The following LIPA variants were observed in gnomAD, a reference collection of about 807,000 sequenced individuals.
LIPA encodes the protein lipase A, lysosomal acid type, also known as lysosomal acid lipase/cholesteryl ester hydrolase.
In LIPA, 26 loss-of-function variants were observed where a neutral mutation model predicts 40.6. That is an observed-to-expected ratio of 0.64 (90% CI 0.47 to 0.89). The LOEUF is 0.89. Ranked by LOEUF, LIPA falls within the 40% of genes least tolerant of loss-of-function variation. The probability of loss-of-function intolerance (pLI) is 0.00; values close to 1 mark genes in which losing one functional copy is unlikely to be tolerated. For synonymous variants in LIPA, 188 were observed against 168.4 expected, an observed-to-expected ratio of 1.12 and a Z score of -0.90; for missense variants, 455 against 479.6, an observed-to-expected ratio of 0.95 and a Z score of 0.48.
chr10:89,267,850 G>A (rs1338754568), intron 1 of LIPA, among the ~76,000 whole-genome samples: 1 of 151,876 alleles, frequency 6.6e-6, no homozygotes, highest in Non-Finnish European at 1.5e-5. Context: ...ACCAGTAGCC[G>A]GAGGACACTG....
intron 1 of LIPA, among the ~76,000 whole-genome samples, chr10:89,315,663 A>G (rs1843537824): frequency 6.6e-6 from 1 of 152,200 alleles, no homozygotes; most frequent in Non-Finnish European, 1.5e-5. Flanking sequence ...CCATTAAACA[A>G]TAATATGTGT....
intron 2 of LIPA, among the ~76,000 whole-genome samples, chr10:89,372,402 G>GTCT (rs1844097021): frequency 6.6e-6 from 1 of 152,224 alleles, no homozygotes; most frequent in Non-Finnish European, 1.5e-5. Context: ...AAGACCAAAA[G>GTCT]TTAACTGAGG....
chr10:89,268,417 A>G (rs957879134), intron 1 of LIPA, among the ~76,000 whole-genome samples: 5 of 150,570 alleles, frequency 3.3e-5, no homozygotes, highest in African/African-American at 1.3e-4. Flanking sequence ...TTTTCCTGAC[A>G]GTAATTTTTT....
At chr10:89,309,820 C>A (rs1026466700) in intron 1 of LIPA, among the ~76,000 whole-genome samples, 1 of 152,168 alleles carries the variant, frequency 6.6e-6, no homozygotes, top group South Asian at 2.1e-4. Context: ...CCAAGAATAA[C>A]AAATGAAGTC....
intron 1 of LIPA, chr10:89,291,924 T>C (rs1748140542): frequency 1.3e-5 from 2 of 152,226 alleles, no homozygotes; most frequent in Non-Finnish European, 2.9e-5. Flanking sequence ...GAATGTGATG[T>C]ATGTCATTTC....
At chr10:89,333,512 G>A (rs139371071) in intron 1 of LIPA, among the ~76,000 whole-genome samples, 11 of 152,082 alleles carry the variant, frequency 7.2e-5, no homozygotes, top group Admixed American at 1.3e-4. Flanking sequence ...GAGGCAGGAG[G>A]GGGGAGGGGT....
chr10:89,382,944 C>T (rs1342304841), intron 2 of LIPA, among the ~76,000 whole-genome samples: 1 of 152,234 alleles, frequency 6.6e-6, no homozygotes, highest in Non-Finnish European at 1.5e-5. Flanking sequence ...TCTGTGAACC[C>T]TCTCTCCACA....
intron 1 of LIPA, chr10:89,306,302 T>A (rs1166688071): frequency 6.2e-7 from 1 of 1,614,040 alleles, no homozygotes; most frequent in Non-Finnish European, 8.5e-7. Flanking sequence ...CGTTCAGATT[T>A]ATGTAGACAA....
At chr10:89,236,811 T>A (rs1412882172) in intron 3 of LIPA, among the ~76,000 whole-genome samples, 1 of 152,132 alleles carries the variant, frequency 6.6e-6, no homozygotes, top group South Asian at 2.1e-4. Context: ...GATTCTAGAC[T>A]CTAATATTCA....
intron 1 of LIPA, 88 bp from the exon 2 acceptor site, chr10:89,247,737 G>A: frequency 1.1e-6 from 1 of 942,422 alleles, no homozygotes; most frequent in Non-Finnish European, 1.7e-6. Flanking sequence ...AAAAAGTTCT[G>A]AACCAGATTT....
chr10:89,291,294 T>A (rs1004976194), intron 1 of LIPA, among the ~76,000 whole-genome samples: 2 of 152,150 alleles, frequency 1.3e-5, no homozygotes, highest in Non-Finnish European at 1.5e-5. Flanking sequence ...ATTAAATGTA[T>A]ACATTCACAT....
intron 1 of LIPA, among the ~76,000 whole-genome samples, chr10:89,280,775 T>C (rs1473290339): frequency 6.6e-6 from 1 of 152,244 alleles, no homozygotes; most frequent in Non-Finnish European, 1.5e-5. Flanking sequence ...TATTCCAAAG[T>C]AGAAATTTCT....
chr10:89,321,361 C>A (rs1843571092), intron 1 of LIPA, among the ~76,000 whole-genome samples: 2 of 152,078 alleles, frequency 1.3e-5, no homozygotes, highest in Admixed American at 1.3e-4. Flanking sequence ...AAAACTTAAA[C>A]AAATTTACAA....
chr10:89,385,369 G>A (rs1382832995), intron 2 of LIPA, among the ~76,000 whole-genome samples: 1 of 152,098 alleles, frequency 6.6e-6, no homozygotes. Context: ...TCTGCGGCAG[G>A]AGCATCTATT....
chr10:89,306,910 C>A (rs150267128), intron 1 of LIPA: 1 of 1,613,932 alleles, frequency 6.2e-7, no homozygotes, highest in South Asian at 1.1e-5. Context: ...TAATAGGACA[C>A]GCTGTGGCTC....
chr10:89,365,482 T>G (rs994837474), intron 2 of LIPA, among the ~76,000 whole-genome samples: 6 of 152,234 alleles, frequency 3.9e-5, no homozygotes, highest in Admixed American at 3.9e-4. Flanking sequence ...ATTTTGGCTT[T>G]TGTTGCCATT....
chr10:89,395,678 G>T (rs1844332705), intron 2 of LIPA, among the ~76,000 whole-genome samples: 1 of 152,072 alleles, frequency 6.6e-6, no homozygotes, highest in African/African-American at 2.4e-5. Flanking sequence ...AGACGCTTAG[G>T]CATTAGGCTG....
chr10:89,380,595 G>A (rs777043194), intron 2 of LIPA, among the ~76,000 whole-genome samples: 15 of 151,990 alleles, frequency 9.9e-5, no homozygotes, highest in Non-Finnish European at 1.6e-4. Flanking sequence ...CGCCAGGCCC[G>A]GCTAATTTTT....
intron 2 of LIPA, chr10:89,363,541 G>C (rs71479013): frequency 0.23 from 34,986 of 152,170 alleles, 4,201 homozygotes; most frequent in African/African-American, 0.25. Flanking sequence ...ACTTTGGGAG[G>C]CCAAGATGGG....
Sources: allele counts gnomAD v4.1 joint callset (sites outside exome capture counted in the v4.1 genomes callset), GRCh38; gene constraint gnomAD v4.1.1; transcripts MANE v1.5; gene names NCBI Gene and HGNC (gene_info 2026-07-23, HGNC 2026-07-21).